IPPK: variants seen among roughly 807,000 people sequenced by gnomAD.
IPPK encodes the protein inositol-pentakisphosphate 2-kinase, also known as IPK1 homolog.
IPPK carries 22 observed loss-of-function variants against 64.6 expected under a neutral mutation model. The ratio of observed to expected loss-of-function variants is 0.34; its 90% confidence interval spans 0.24 to 0.49. IPPK has a LOEUF of 0.49. Among genes scored for constraint, IPPK ranks in the 20% least tolerant of loss-of-function variants. The pLI is 0.99. For missense variants in IPPK, 532 were observed against 630.7 expected (o/e 0.84, Z 1.68); for synonymous variants, 262 against 247.2 (o/e 1.06, Z -0.56).
intron 3 of IPPK, 123 bp downstream of exon 3, chr9:92,656,333 A>G: frequency 1.5e-6 from 1 of 680,448 alleles, no homozygotes; most frequent in Non-Finnish European, 2.7e-6. Flanking sequence ...GCAAATGAGA[A>G]ACACTTGGAG....
intron 11 of IPPK, among the ~76,000 whole-genome samples, chr9:92,630,349 A>G (rs1248617306): frequency 2.0e-5 from 3 of 152,244 alleles, no homozygotes; most frequent in African/African-American, 7.2e-5. Context: ...AGCGATAGAA[A>G]GTAGACAGGT....
rs777958102 is a variant in IPPK at position 92,640,799 on chromosome 9, T to C, written c.564-17A>G. ...TGTTTGTTTCTAAAAGGGAAAAGCATTAACATGCTTTAAATGCAGCTGGAA... is the reference window on the plus strand; with the variant it reads ...TGTTTGTTTCTAAAAGGGAAAAGCACTAACATGCTTTAAATGCAGCTGGAA... On this transcript the variant is annotated splice_polypyrimidine_tract_variant and intron_variant, in intron 7 of 12. Coordinates refer to ENST00000287996, the MANE Select transcript of IPPK (RefSeq NM_022755.6). The C allele has an allele frequency of 2.5e-6, 4 of 1,571,118 alleles. No individual in the cohort carries two copies. The highest frequency in any genetic ancestry group is 1.3e-5 in the African/African-American group (1 of 74,188).
chr9:92,621,532 G>GAGAC (rs1477629063), intron 11 of IPPK, among the ~76,000 whole-genome samples: 4 of 15,664 alleles, frequency 2.6e-4, no homozygotes, highest in African/African-American at 1.2e-3. Flanking sequence ...TTTTTTTTTT[G>GAGAC]AGACAGGGTC....
Position 92,635,029 on chromosome 9 carries a change from A to T in IPPK, c.1067+129T>A. The stretch of plus-strand genomic sequence containing the variant: ...AGGCCTGGGCACCTGGGAGCGGAGG[A>T]CTGGGGTAGGAAGTGGCCGGCATGC... On this transcript the variant is annotated intron_variant, in intron 10 of 12. Transcript: ENST00000287996. This position sits in a 1 kb window ranked among gnomAD's most constrained non-coding sequence, Gnocchi z 4.4. The T allele has an allele frequency of 2.4e-6, 2 of 837,674 alleles. No homozygotes were observed. The highest frequency in any genetic ancestry group is 3.7e-6 in the Non-Finnish European group (2 of 543,778). The allele number at this position is 837,674 out of a possible 1,614,324, so 51.9% of individuals were successfully genotyped here.
At chr9:92,658,764 C>T in intron 1 of IPPK, 83 bp from the exon 2 acceptor site, 1 of 1,257,096 alleles carries the variant, frequency 8.0e-7, no homozygotes, top group Non-Finnish European at 1.2e-6. Flanking sequence ...GTCCCATCCT[C>T]AGTGGACAAA....
rs528831305 is a variant in IPPK, at chr9:92,663,916, G to A, written c.82-5235C>T. Among the ~76,000 whole-genome samples, 8 of 152,338 alleles carry A rather than the reference G, an allele frequency of 5.3e-5. No individual in the cohort carries two copies. The South Asian group carries it at 1.5e-3, about 28-fold the overall frequency. Reference sequence around the variant, plus strand: ...GACAGAAAAAGACAACAGCAGCAGGGGTCACCCCTCAGGATGCCTTCTAGA... The same window carrying A: ...GACAGAAAAAGACAACAGCAGCAGGAGTCACCCCTCAGGATGCCTTCTAGA... On this transcript the variant is annotated intron_variant, in intron 1 of 12. Transcript: ENST00000287996.
chr9:92,627,990 G>A (rs1014552144), intron 11 of IPPK, among the ~76,000 whole-genome samples: 1 of 152,202 alleles, frequency 6.6e-6, no homozygotes, highest in African/African-American at 2.4e-5. Context: ...ACTCGGCAAC[G>A]ATGCAGGCTA....
intron 9 of IPPK, among the ~76,000 whole-genome samples, chr9:92,637,141 C>T (rs1422574181): frequency 6.6e-6 from 1 of 151,978 alleles, no homozygotes; most frequent in Non-Finnish European, 1.5e-5. Context: ...GCCAATATGG[C>T]GAAACCCTGT....
At chr9:92,632,012 A>C (rs1354401149) in intron 11 of IPPK, among the ~76,000 whole-genome samples, 1 of 152,202 alleles carries the variant, frequency 6.6e-6, no homozygotes, top group African/African-American at 2.4e-5. Context: ...TCACCAACAA[A>C]GCCCCCTGGA....
chr9:92,648,265 C>A, intron 5 of IPPK, 117 bp from the exon 6 acceptor site: 1 of 746,498 alleles, frequency 1.3e-6, no homozygotes, highest in Non-Finnish European at 2.2e-6. Context: ...CATAAATGGC[C>A]CCAGAAGCTG....
In IPPK at chr9:92,635,136, C is replaced by A. The variant is rs1111047; in HGVS notation, c.1067+22G>T. 1 of 1,598,284 alleles carries A rather than the reference C, an allele frequency of 6.3e-7. No homozygotes were observed. Among genetic ancestry groups the A allele is most frequent in the Admixed American group, 1.7e-5 (1 of 58,480 alleles). On this transcript the variant is annotated intron_variant, in intron 10 of 12. Coordinates refer to ENST00000287996, the MANE Select transcript of IPPK (RefSeq NM_022755.6). This position sits in a 1 kb window ranked among gnomAD's most constrained non-coding sequence, Gnocchi z 4.4. ...ACAGTCTCCTCTCAGGGCTGCCCAACAGGGGGACCGCCCGACCTCACCTCT... is the reference window on the plus strand; with the variant it reads ...ACAGTCTCCTCTCAGGGCTGCCCAAAAGGGGGACCGCCCGACCTCACCTCT...
intron 11 of IPPK, among the ~76,000 whole-genome samples, chr9:92,631,118 T>C (rs1190552963): frequency 6.6e-6 from 1 of 151,882 alleles, no homozygotes; most frequent in African/African-American, 2.4e-5. Context: ...AAAGCAAGAG[T>C]TATTGGGGGC....
At chr9:92,666,373 C>T (rs1435584546) in intron 1 of IPPK, among the ~76,000 whole-genome samples, 1 of 152,166 alleles carries the variant, frequency 6.6e-6, no homozygotes, top group Non-Finnish European at 1.5e-5. Flanking sequence ...CAGGCGCAGG[C>T]GTCACACAGG....
At chr9:92,650,293 A>T (rs929569668) in intron 4 of IPPK, among the ~76,000 whole-genome samples, 13 of 152,048 alleles carry the variant, frequency 8.5e-5, no homozygotes, top group South Asian at 2.1e-4. Context: ...GCGCCACTGC[A>T]CTACCGCCTG....
intron 11 of IPPK, among the ~76,000 whole-genome samples, chr9:92,622,026 T>A (rs754697750): frequency 2.0e-5 from 3 of 152,122 alleles, no homozygotes; most frequent in Non-Finnish European, 4.4e-5. Context: ...AAAGAACACA[T>A]CACAACAAAT....
intron 1 of IPPK, among the ~76,000 whole-genome samples, chr9:92,667,816 T>C (rs1160054722): frequency 2.6e-5 from 4 of 151,694 alleles, no homozygotes; most frequent in Admixed American, 6.6e-5. Context: ...GGCAGGAGAA[T>C]TGCTTGAACC....
chr9:92,642,949 T>C (rs1033779224), intron 6 of IPPK, 139 bp from the exon 7 acceptor site: 3 of 715,708 alleles, frequency 4.2e-6, no homozygotes, highest in East Asian at 5.2e-5. Flanking sequence ...TGCCACCACC[T>C]TTGCAGGTGC....
rs1394539102 is a variant in IPPK at position 92,641,746 on chromosome 9, A to G, written c.564-964T>C. ...AACCAAAAGCACTGACATGATGACC[A>G]GGCACGCACTCAGAGGCAGTGCTGA... On this transcript the variant is annotated intron_variant, in intron 7 of 12. Transcript: ENST00000287996. Among the ~76,000 whole-genome samples, 5 of 152,218 alleles carry G rather than the reference A, an allele frequency of 3.3e-5. 1 individual carries two copies. The highest frequency in any genetic ancestry group is 1.2e-4 in the African/African-American group (5 of 41,442).
At chr9:92,618,710 T>C (rs530076492) in intron 12 of IPPK, 42 of 372,802 alleles carry the variant, frequency 1.1e-4, no homozygotes, top group African/African-American at 8.6e-4. Context: ...TGTTCCTCAG[T>C]ATTTCATATT....
Sources: gnomAD v4.1 joint callset for allele counts (sites outside exome capture counted in the v4.1 genomes callset) on GRCh38, gnomAD v4.1.1 for gene constraint, Gnocchi (gnomAD v3.1) non-coding constraint, MANE v1.5 for transcripts, NCBI Gene and HGNC (gene_info 2026-07-23, HGNC 2026-07-21) for gene names.